DLGAP2: variants seen among roughly 807,000 people sequenced by gnomAD.
DLGAP2 encodes DLG associated protein 2.
Under a neutral mutation model 100.3 loss-of-function variants are expected in DLGAP2, and 26 were observed. That is an observed-to-expected ratio of 0.26 (90% confidence interval 0.19 to 0.36). DLGAP2 has a LOEUF of 0.36. Among genes scored for constraint, DLGAP2 ranks in the 10% least tolerant of loss-of-function variants. The pLI, the probability that DLGAP2 is intolerant of heterozygous loss-of-function variation, is 1.00. For synonymous variants in DLGAP2, 886 were observed against 630.1 expected, an observed-to-expected ratio of 1.41 and a Z score of -6.08; for missense variants, 1,858 against 1,453.2, an observed-to-expected ratio of 1.28 and a Z score of -4.53.
At chr8:1,199,640 T>C (rs7830619) in intron 2 of DLGAP2, among the ~76,000 whole-genome samples, 40,132 of 151,930 alleles carry the variant, frequency 0.26, 5,444 homozygotes, top group East Asian at 0.34. Context: ...CGCTAGAAAG[T>C]GAATGCTGTC....
chr8:1,447,515 A>G (rs1054987611), intron 3 of DLGAP2, among the ~76,000 whole-genome samples: 5 of 152,310 alleles, frequency 3.3e-5, no homozygotes, highest in Admixed American at 6.5e-5. Context: ...TTTTTGCATC[A>G]ATGCTCATCA....
intron 5 of DLGAP2, among the ~76,000 whole-genome samples, chr8:1,565,004 G>A (rs1346152752): frequency 6.6e-6 from 1 of 151,764 alleles, no homozygotes; most frequent in Non-Finnish European, 1.5e-5. Context: ...ACATGCATGG[G>A]TGCTCAGCTC....
At chr8:1,597,495 C>T (rs1796496518) in intron 6 of DLGAP2, among the ~76,000 whole-genome samples, 2 of 151,982 alleles carry the variant, frequency 1.3e-5, no homozygotes, top group African/African-American at 2.4e-5. Flanking sequence ...TCTTCCTATC[C>T]ATGATCATGG....
At chr8:1,656,194 G>A (rs185153339) in intron 8 of DLGAP2, among the ~76,000 whole-genome samples, 190 of 152,206 alleles carry the variant, frequency 1.2e-3, no homozygotes, top group East Asian at 1.2e-3. Flanking sequence ...GTGGTACCGC[G>A]TGCTACTTGG....
chr8:1,524,877 A>G (rs1800738756), intron 4 of DLGAP2, among the ~76,000 whole-genome samples: 1 of 151,746 alleles, frequency 6.6e-6, no homozygotes, highest in Non-Finnish European at 1.5e-5. Flanking sequence ...GGGACCTTTT[A>G]GCGCTGTGTT....
At position 804,436 on chromosome 8, in the gene DLGAP2, C is replaced by T. The variant is rs534294911; in HGVS notation, c.18+66611C>T. Among the ~76,000 whole-genome samples the T allele has an allele frequency of 3.9e-5, 6 of 152,300 alleles. No individual in the cohort carries two copies. The East Asian group carries it at 1.2e-3, about 29-fold the overall frequency. ...GTGGAAACCGCTACTGCACCAGATA[C>T]GTACTTCTGTTTCGAGGAGATCTTG... is the stretch of plus-strand genomic sequence containing the variant. On this transcript the variant is annotated intron_variant, in intron 1 of 14. Coordinates refer to ENST00000637795, the MANE Select transcript of DLGAP2 (RefSeq NM_001346810.2).
chr8:768,105 G>A (rs886697799), intron 1 of DLGAP2, among the ~76,000 whole-genome samples: 1 of 152,132 alleles, frequency 6.6e-6, no homozygotes, highest in Non-Finnish European at 1.5e-5. Context: ...GTAATCAGAG[G>A]ACAGGGAGAT....
intron 1 of DLGAP2, among the ~76,000 whole-genome samples, chr8:784,276 T>A (rs541445316): frequency 1.3e-5 from 2 of 152,250 alleles, no homozygotes; most frequent in Non-Finnish European, 2.9e-5. Context: ...AAGACAGTTT[T>A]ATCATCTAGA....
chr8:902,408 GGTGTGCA>G (rs1798271600), intron 1 of DLGAP2, among the ~76,000 whole-genome samples: 1 of 150,386 alleles, frequency 6.6e-6, no homozygotes, highest in Non-Finnish European at 1.5e-5. Context: ...AAGGAGTCAC[GGTGTGCA>G]GTTCGTGCTG....
At chr8:1,070,642 AGTGT>A (rs1387671692) in intron 2 of DLGAP2, among the ~76,000 whole-genome samples, 1 of 152,152 alleles carries the variant, frequency 6.6e-6, no homozygotes, top group Non-Finnish European at 1.5e-5. Flanking sequence ...GAAAAGTGTG[AGTGT>A]GTCTGTTCAG....
intron 4 of DLGAP2, among the ~76,000 whole-genome samples, chr8:1,533,749 A>C (rs1563205448): frequency 6.6e-6 from 1 of 152,150 alleles, no homozygotes; most frequent in Non-Finnish European, 1.5e-5. Flanking sequence ...TACCTTAAAA[A>C]TACTGTCAAT....
chr8:883,286 C>G lies in DLGAP2; in HGVS notation c.19-24626C>G, dbSNP rs937198293. 4.6e-5 allele frequency: 7 copies of G among 152,278 alleles called. No homozygotes were observed. The East Asian group carries it at 1.2e-3, about 25-fold the overall frequency. 9.4% of individuals were successfully genotyped at this position (152,278 alleles called of 1,614,324 possible). A position where few individuals can be genotyped will look rare whatever the true frequency, so the allele number is the denominator to read the frequency against. ...GGCTGTCTGGACCAGCTGTCACAGTCTCGCTGTGGGTGAGTCACCTGAGGC... is the reference window on the plus strand; with the variant it reads ...GGCTGTCTGGACCAGCTGTCACAGTGTCGCTGTGGGTGAGTCACCTGAGGC... On this transcript the variant is annotated intron_variant, in intron 1 of 14. Coordinates refer to ENST00000637795, the MANE Select transcript of DLGAP2 (RefSeq NM_001346810.2).
intron 8 of DLGAP2, among the ~76,000 whole-genome samples, chr8:1,658,541 G>T (rs532493017): frequency 5.3e-5 from 8 of 152,054 alleles, no homozygotes; most frequent in Non-Finnish European, 1.2e-4. Context: ...CTCTATTCAG[G>T]GATTCCACTT....
intron 2 of DLGAP2, among the ~76,000 whole-genome samples, chr8:1,022,084 G>A (rs1403017666): frequency 6.6e-6 from 1 of 152,180 alleles, no homozygotes; most frequent in Non-Finnish European, 1.5e-5. Context: ...CCAGCGAACA[G>A]GTGCAGAGAA....
chr8:1,164,083 C>T (rs985181929), intron 2 of DLGAP2, among the ~76,000 whole-genome samples: 1 of 102,976 alleles, frequency 9.7e-6, no homozygotes, highest in Non-Finnish European at 1.9e-5. Context: ...GTCTTCTCTT[C>T]CCTGTGCTGG....
chr8:1,459,558 C>T (rs1286508638), intron 3 of DLGAP2, among the ~76,000 whole-genome samples: 1 of 152,084 alleles, frequency 6.6e-6, no homozygotes, highest in Non-Finnish European at 1.5e-5. Flanking sequence ...ACTGCAATAC[C>T]AAGCATGTAT....
At chr8:1,408,911 C>T (rs1796650334) in intron 3 of DLGAP2, among the ~76,000 whole-genome samples, 2 of 152,230 alleles carry the variant, frequency 1.3e-5, no homozygotes, top group African/African-American at 2.4e-5. Flanking sequence ...TGCCCACCCT[C>T]CTGGGCCACA....
chr8:924,070 TAGG>T (rs1432348729), intron 2 of DLGAP2, among the ~76,000 whole-genome samples: 3 of 152,206 alleles, frequency 2.0e-5, no homozygotes, highest in African/African-American at 7.2e-5. Flanking sequence ...TGGCTGTAGA[TAGG>T]AGCCTATAAA....
Position 1,676,611 on chromosome 8 carries a change from G to A in DLGAP2, c.2281G>A (p.Glu761Lys). The change falls in exon 11 of 15, where the codon GAG becomes AAG. Residue 761 changes from glutamate to lysine, a missense_variant. By Grantham distance (56) the Glu-to-Lys change is moderately conservative. Coordinates refer to ENST00000637795, the MANE Select transcript of DLGAP2 (RefSeq NM_001346810.2). ...YHSVGVQVED[E>K]KRHGRFKRSN... ...CTCTGTCGGGGTGCAAGTGGAAGAT[G>A]AGAAGCGGTAACTCAGCCCCTCCTG... The A allele has an allele frequency of 3.1e-6, 5 of 1,612,336 alleles. No individual in the cohort carries two copies. The highest frequency in any genetic ancestry group is 4.2e-6 in the Non-Finnish European group (5 of 1,179,282).
Sources: gnomAD v4.1 joint callset for allele counts (sites outside exome capture counted in the v4.1 genomes callset) on GRCh38, gnomAD v4.1.1 for gene constraint, MANE v1.5 for transcripts, NCBI Gene and HGNC (gene_info 2026-07-23, HGNC 2026-07-21) for gene names.